PUF60: variants seen among roughly 807,000 people sequenced by gnomAD.
PUF60 encodes poly(U)-binding-splicing factor PUF60.
A neutral mutation model predicts 61.8 loss-of-function variants in PUF60; 10 were observed. That is an observed-to-expected ratio of 0.16 (90% CI 0.10 to 0.27). PUF60 has a LOEUF of 0.27. Among genes scored for constraint, PUF60 ranks in the 10% least tolerant of loss-of-function variants. The pLI, the probability that PUF60 is intolerant of heterozygous loss-of-function variation, is 1.00. For synonymous variants in PUF60, 353 were observed against 300.9 expected (o/e 1.17, Z -1.79); for missense variants, 371 against 754.0 (o/e 0.49, Z 5.95).
In PUF60 at chr8:143,817,070, G is replaced by A. The variant is rs1479023389; in HGVS notation, c.1220C>T (p.Pro407Leu). 2 of 1,611,532 alleles carry A rather than the reference G, an allele frequency of 1.2e-6. No individual in the cohort carries two copies. Among genetic ancestry groups the A allele is most frequent in the Non-Finnish European group, 1.7e-6 (2 of 1,179,324 alleles). ...VGVVNPILAS[P>L]PTLGLLEPKK... The stretch of plus-strand genomic sequence containing the variant: ...GGGCTCCAGGAGACCCAGCGTTGGA[G>A]GGCTGGCCAGGATGGGGTTCACCAC... The change falls in exon 11 of 12, where the codon CCT (proline) becomes CTT (leucine). Residue 407 changes from proline to leucine, a missense_variant. By Grantham distance (98) the Pro-to-Leu change is moderately conservative (BLOSUM62 -3). Around this residue, in one of 13 missense-constraint regions of PUF60, gnomAD observed 68 missense variants for 69.4 expected, o/e 0.98. Transcript: ENST00000526683. This position sits in a 1 kb window ranked among gnomAD's most constrained non-coding sequence, Gnocchi z 7.4.
chr8:143,817,070 G>C lies in PUF60; in HGVS notation c.1220C>G (p.Pro407Arg), dbSNP rs1479023389. The C allele has an allele frequency of 6.2e-7, 1 of 1,611,650 alleles. No individual in the cohort carries two copies. Residue 407 changes from proline to arginine, a missense_variant, in exon 11 of 12, where the codon CCT (proline) becomes CGT (arginine). Coordinates refer to ENST00000526683, the MANE Select transcript of PUF60 (RefSeq NM_078480.3). The surrounding 1 kb of genome is among the most constrained non-coding windows in gnomAD (Gnocchi z 7.4). ...GGGCTCCAGGAGACCCAGCGTTGGAGGGCTGGCCAGGATGGGGTTCACCAC... is the reference window on the plus strand; with the variant it reads ...GGGCTCCAGGAGACCCAGCGTTGGACGGCTGGCCAGGATGGGGTTCACCAC... ...VGVVNPILAS[P>R]PTLGLLEPKK... is the part of the protein sequence containing the mutation.
intron 2 of PUF60, chr8:143,822,899 G>C (rs995469056): frequency 9.8e-6 from 3 of 305,882 alleles, no homozygotes; most frequent in Middle Eastern, 1.2e-3. Flanking sequence ...ACACAGCCTT[G>C]AGGGACAGCA....
intron 1 of PUF60, chr8:143,827,005 C>T (rs1817705082): frequency 4.1e-6 from 1 of 242,154 alleles, no homozygotes; most frequent in Non-Finnish European, 8.3e-6. Context: ...TGTCAGTTCC[C>T]TTCACACAAT....
At chr8:143,822,004 C>T (rs1005550387) in intron 2 of PUF60, 91 bp from the exon 3 acceptor site, 1 of 942,684 alleles carries the variant, frequency 1.1e-6, no homozygotes, top group South Asian at 1.7e-5. Context: ...AGACTGTCCC[C>T]TGCCTGGCCT....
intron 2 of PUF60, among the ~76,000 whole-genome samples, chr8:143,823,641 T>A (rs1397675604): frequency 6.6e-6 from 1 of 152,170 alleles, no homozygotes; most frequent in Non-Finnish European, 1.5e-5. Context: ...CCCAAGAGGC[T>A]GCCAGGCCAC....
At chr8:143,827,961 C>T (rs977624814) in intron 1 of PUF60, among the ~76,000 whole-genome samples, 7 of 152,210 alleles carry the variant, frequency 4.6e-5, no homozygotes, top group Admixed American at 3.9e-4. Flanking sequence ...TGAGCCTCCT[C>T]CTCCTTCACC....
At chr8:143,829,051 C>T (rs1817994365) in intron 1 of PUF60, 3 of 1,017,326 alleles carry the variant, frequency 2.9e-6, no homozygotes, top group Non-Finnish European at 2.3e-6. Flanking sequence ...CAGGCCCCCG[C>T]CCCGCCCCGC....
In PUF60 at chr8:143,822,544, A is replaced by G. The variant is rs773436005; in HGVS notation, c.112-631T>C. On this transcript the variant is annotated intron_variant, in intron 2 of 11. Coordinates refer to ENST00000526683, the MANE Select transcript of PUF60 (RefSeq NM_078480.3). The stretch of plus-strand genomic sequence containing the variant: ...CAAGCCCTGAAGAGGGCTCCAGCTC[A>G]CTTCCACACACTCTTGCATGGGCTT... 7.0e-5 allele frequency: 32 copies of G among 456,578 alleles called. No homozygotes were observed. The Middle Eastern group carries it at 2.3e-3, about 32-fold the overall frequency. The allele number at this position is 456,578 out of a possible 1,614,324, so 28.3% of individuals were successfully genotyped here. A position where few individuals can be genotyped will look rare whatever the true frequency, so the allele number is the denominator to read the frequency against.
intron 4 of PUF60, 88 bp downstream of exon 4, chr8:143,821,509 G>A (rs1817016938): frequency 8.1e-7 from 1 of 1,229,732 alleles, no homozygotes; most frequent in African/African-American, 1.5e-5. Flanking sequence ...TGCGGGGACG[G>A]CCGCAGGCCC....
At chr8:143,825,734 T>C (rs549394446) in intron 1 of PUF60, among the ~76,000 whole-genome samples, 1 of 152,336 alleles carries the variant, frequency 6.6e-6, no homozygotes, top group Non-Finnish European at 1.5e-5. Flanking sequence ...TCCAAAGTGC[T>C]GGTACTACAG....
chr8:143,827,486 C>G (rs1013721020), intron 1 of PUF60: 2 of 455,840 alleles, frequency 4.4e-6, no homozygotes, highest in African/African-American at 4.0e-5. Context: ...TCCTTCCCCA[C>G]CAGGCCACTG....
chr8:143,823,750 G>A (rs1227716468), intron 2 of PUF60, among the ~76,000 whole-genome samples: 1 of 152,234 alleles, frequency 6.6e-6, no homozygotes, highest in Non-Finnish European at 1.5e-5. Flanking sequence ...CCACCTCTGA[G>A]AGGACCTGCT....
At chr8:143,828,368 G>T (rs537116441) in intron 1 of PUF60, among the ~76,000 whole-genome samples, 1 of 152,234 alleles carries the variant, frequency 6.6e-6, no homozygotes, top group African/African-American at 2.4e-5. Flanking sequence ...GTAATACAGG[G>T]GTAAACTGCG....
chr8:143,820,460 A>ATC, intron 5 of PUF60: 1 of 623,720 alleles, frequency 1.6e-6, no homozygotes, highest in Non-Finnish European at 2.8e-6. Flanking sequence ...GTGGGCCCTC[A>ATC]GAGCAGATGG....
At position 143,820,578 on chromosome 8, in the gene PUF60, G is replaced by A. The variant is rs1373790619; in HGVS notation, c.348+88C>T. The A allele has an allele frequency of 6.3e-6, 9 of 1,417,470 alleles. No individual in the cohort carries two copies. In the South Asian group the frequency reaches 8.1e-5, roughly 13 times the overall value. 87.8% of individuals were successfully genotyped at this position (1,417,470 alleles called of 1,614,324 possible). A position where few individuals can be genotyped will look rare whatever the true frequency, so the allele number is the denominator to read the frequency against. ...CTGGCGGGCAGGGCCGGCCAGGGGAGCAAGGTCCCCAGCACGTGGGCTGCA... is the reference window on the plus strand; with the variant it reads ...CTGGCGGGCAGGGCCGGCCAGGGGAACAAGGTCCCCAGCACGTGGGCTGCA... On this transcript the variant is annotated intron_variant, in intron 5 of 11. Coordinates refer to ENST00000526683, the MANE Select transcript of PUF60 (RefSeq NM_078480.3).
intron 2 of PUF60, chr8:143,822,814 A>C: frequency 5.8e-6 from 2 of 341,956 alleles, no homozygotes; most frequent in South Asian, 4.4e-5. Flanking sequence ...GGCAAACAGC[A>C]TGCCTGCGCC....
chr8:143,824,519 G>T, intron 1 of PUF60, 120 bp from the exon 2 acceptor site: 1 of 1,045,940 alleles, frequency 9.6e-7, no homozygotes, highest in Non-Finnish European at 1.4e-6. Context: ...AGGCAGGGAG[G>T]CATTCCCGAC....
At chr8:143,824,841 A>G in intron 1 of PUF60, 1 of 195,126 alleles carries the variant, frequency 5.1e-6, no homozygotes. Context: ...TGCCTTCCAC[A>G]GGCTCTGGCC....
At position 143,817,318 on chromosome 8, in the gene PUF60, A is replaced by C; in HGVS notation, c.1144+13T>G. 1 of 1,584,614 alleles carries C rather than the reference A, an allele frequency of 6.3e-7. No individual in the cohort carries two copies. The highest frequency in any genetic ancestry group is 8.5e-7 in the Non-Finnish European group (1 of 1,170,660). On this transcript the variant is annotated intron_variant, in intron 10 of 11. Transcript: ENST00000526683. This position sits in a 1 kb window ranked among gnomAD's most constrained non-coding sequence, Gnocchi z 7.4. ...ACAGGAGAGGAGAGGATCTGGTACC[A>C]CTTAAGACTCACCTGTGATGACTCC...
Sources: allele counts gnomAD v4.1 joint callset (sites outside exome capture counted in the v4.1 genomes callset), GRCh38; gene constraint gnomAD v4.1.1; regional missense constraint gnomAD v4.1.1; non-coding constraint Gnocchi (gnomAD v3.1); transcripts MANE v1.5; gene names NCBI Gene and HGNC (gene_info 2026-07-23, HGNC 2026-07-21).